The following ARHGEF1 variants were observed in gnomAD, a reference collection of about 807,000 sequenced individuals.
The protein encoded by ARHGEF1 is 115 kDa guanine nucleotide exchange factor.
ARHGEF1 carries 40 observed loss-of-function variants against 119.7 expected under a neutral mutation model. The observed-to-expected ratio is 0.33, with a 90% CI of 0.26 to 0.44. The LOEUF is 0.44. ARHGEF1 is among the 20% of genes least tolerant of loss of function. The probability of loss-of-function intolerance (pLI) is 1.00; values close to 1 mark genes in which losing one functional copy is unlikely to be tolerated. For synonymous variants in ARHGEF1, 494 were observed against 521.0 expected (o/e 0.95, Z 0.71); for missense variants, 976 against 1,268.3 (o/e 0.77, Z 3.50).
intron 1 of ARHGEF1, among the ~76,000 whole-genome samples, chr19:41,927,267 G>A (rs1216152683): frequency 6.6e-6 from 1 of 152,106 alleles, no homozygotes; most frequent in Non-Finnish European, 1.5e-5. Context: ...GTGTCCCAGA[G>A]GGCCCCGGCC....
chr19:41,922,909 G>A (rs1161558223), upstream of ARHGEF1, among the ~76,000 whole-genome samples: 1 of 152,210 alleles, frequency 6.6e-6, no homozygotes, highest in Non-Finnish European at 1.5e-5. Flanking sequence ...CCCAGGCCTG[G>A]GCTGGAGGGG....
chr19:41,911,011 A>G (rs975626062), downstream of ARHGEF1, among the ~76,000 whole-genome samples: 1 of 152,200 alleles, frequency 6.6e-6, no homozygotes, highest in Non-Finnish European at 1.5e-5. Flanking sequence ...CCAAATGCCC[A>G]AAGAACACAC....
At chr19:41,914,266 C>G (rs1053207008) in intron 18 of ARHGEF1, among the ~76,000 whole-genome samples, 3 of 151,186 alleles carry the variant, frequency 2.0e-5, no homozygotes, top group African/African-American at 7.3e-5. Flanking sequence ...GTCTCGGTAT[C>G]TCTCCCTCTC....
upstream of ARHGEF1, among the ~76,000 whole-genome samples, chr19:41,921,523 G>A (rs1599679557): frequency 6.6e-6 from 1 of 151,928 alleles, no homozygotes; most frequent in East Asian, 1.9e-4. This position sits in a 1 kb window ranked among gnomAD's most constrained non-coding sequence, Gnocchi z 4.4. Flanking sequence ...ACAGGCAGGG[G>A]GAGATCCGAG....
rs1250398305 is a variant in ARHGEF1, at chr19:41,914,832, TTCCACCGTCTCTGTCTCTCCCCCCC to T, written c.1865+8036_1865+8060del. Among the ~76,000 whole-genome samples the T allele has an allele frequency of 8.7e-4, 8 of 9,242 alleles. 2 individuals carry two copies. Among genetic ancestry groups the T allele is most frequent in the Non-Finnish European group, 8.2e-4 (4 of 4,906 alleles). The allele number at this position is 9,242 out of a possible 152,430, so 6.1% of individuals were successfully genotyped here. On this transcript the variant is annotated intron_variant, in intron 18 of 20. Transcript: ENST00000599589. ...CCCCCTCCACCGTGTCTCCCCCCCTTTCCACCGTCTCTGTCTCTCCCCCCCTCCACCATCTCTGTCTCTCCCTCCC... is the reference window on the plus strand; with the variant it reads ...CCCCCTCCACCGTGTCTCCCCCCCTTTCCACCATCTCTGTCTCTCCCTCCC...
downstream of ARHGEF1, among the ~76,000 whole-genome samples, chr19:41,911,520 T>G (rs1484608700): frequency 6.6e-6 from 1 of 152,110 alleles, no homozygotes; most frequent in African/African-American, 2.4e-5. Context: ...GGGCGCAGGG[T>G]CCCACCCAGG....
At chr19:41,893,186 C>G in intron 7 of ARHGEF1, 88 bp from the exon 8 acceptor site, 1 of 1,562,738 alleles carries the variant, frequency 6.4e-7, no homozygotes, top group Non-Finnish European at 8.8e-7. Context: ...CCTGCCTATC[C>G]CAGGACAGCA....
chr19:41,909,972 C>T, downstream of ARHGEF1: 2 of 1,613,912 alleles, frequency 1.2e-6, no homozygotes, highest in Non-Finnish European at 1.7e-6. This position sits in a 1 kb window ranked among gnomAD's most constrained non-coding sequence, Gnocchi z 5.2. Flanking sequence ...CCGTAGTCCC[C>T]CTGCCAGGCT....
At chr19:41,922,735 G>A (rs187817760), upstream of ARHGEF1, among the ~76,000 whole-genome samples, 6 of 152,282 alleles carry the variant, frequency 3.9e-5, no homozygotes, top group East Asian at 9.6e-4. Flanking sequence ...CAGCCGGGCT[G>A]GGGGGGACTC....
chr19:41,901,501 A>G (rs1237468650), intron 14 of ARHGEF1, among the ~76,000 whole-genome samples: 4 of 151,954 alleles, frequency 2.6e-5, no homozygotes, highest in Admixed American at 2.0e-4. Context: ...GGGTGCAGTA[A>G]TGCCATCATA....
At chr19:41,884,588 T>C in intron 1 of ARHGEF1, 1 of 1,503,396 alleles carries the variant, frequency 6.7e-7, no homozygotes, top group Non-Finnish European at 9.0e-7. Context: ...CCCCGTAGGA[T>C]TTAGGGCCCG....
chr19:41,893,379 TGAGG>T, intron 8 of ARHGEF1, 76 bp downstream of exon 8: 1 of 1,161,750 alleles, frequency 8.6e-7, no homozygotes, highest in Non-Finnish European at 1.1e-6. Flanking sequence ...CTCCTGGGTC[TGAGG>T]GAGGAGGAGG....
chr19:41,886,357 G>A (rs373540913), intron 1 of ARHGEF1, among the ~76,000 whole-genome samples: 2 of 152,190 alleles, frequency 1.3e-5, no homozygotes, highest in African/African-American at 2.4e-5. Flanking sequence ...CAAAGATAAT[G>A]AGTATCCCCT....
At position 41,913,741 on chromosome 19, in the gene ARHGEF1, C is replaced by G. The variant is rs546221008; in HGVS notation, c.1865+6938C>G. ...CTAGATATCTTACGCCCCTAAGATA[C>G]TCCATCCCCTCCTCACTCCAGTCTC... is the stretch of plus-strand genomic sequence containing the variant. On this transcript the variant is annotated intron_variant, in intron 18 of 20. Transcript: ENST00000599589. Among the ~76,000 whole-genome samples the G allele has an allele frequency of 8.0e-5, 12 of 150,118 alleles. No homozygotes were observed. In the East Asian group the frequency reaches 2.0e-3, roughly 25 times the overall value.
intron 11 of ARHGEF1, 68 bp from the exon 12 acceptor site, chr19:41,895,281 C>T (rs1031311871): frequency 2.6e-6 from 4 of 1,536,034 alleles, no homozygotes; most frequent in Non-Finnish European, 3.5e-6. Flanking sequence ...CCTCTTGCAT[C>T]CCCTGGCGGT....
In ARHGEF1 at chr19:41,888,449, G is replaced by A. The variant is rs879983933; in HGVS notation, c.111+171G>A. On this transcript the variant is annotated intron_variant, in intron 3 of 28. Transcript: ENST00000354532. The surrounding 1 kb of genome is among the most constrained non-coding windows in gnomAD (Gnocchi z 5.1). ...GCCGACCCCACACAGCAGCATAGACGCCCACCCTTCTTACTCTTAACCCCA... is the reference window on the plus strand; with the variant it reads ...GCCGACCCCACACAGCAGCATAGACACCCACCCTTCTTACTCTTAACCCCA... 6.6e-6 allele frequency among the ~76,000 whole-genome samples: 1 copy of A among 151,762 alleles called. No homozygotes were observed. The highest frequency in any genetic ancestry group is 2.4e-5 in the African/African-American group (1 of 41,274).
chr19:41,894,150 G>GTGTA, intron 8 of ARHGEF1, 57 bp from the exon 9 acceptor site: 2 of 992,146 alleles, frequency 2.0e-6, no homozygotes, highest in Non-Finnish European at 2.9e-6. Flanking sequence ...GTGTGTGTGT[G>GTGTA]TGTGTGTGTG....
At chr19:41,925,139 T>A (rs1284525633) in intron 1 of ARHGEF1, among the ~76,000 whole-genome samples, 2 of 151,616 alleles carry the variant, frequency 1.3e-5, no homozygotes, top group African/African-American at 4.9e-5. Context: ...CAAAGAGAGA[T>A]TAAGTGGGGG....
chr19:41,888,748 C>T lies in ARHGEF1; in HGVS notation c.112-4C>T, dbSNP rs41303849. 14 of 1,613,918 alleles carry T rather than the reference C, an allele frequency of 8.7e-6. No homozygotes were observed. The highest frequency in any genetic ancestry group is 1.7e-5 in the Admixed American group (1 of 60,008). The stretch of plus-strand genomic sequence containing the variant: ...ATTGTACTCACCCCTTCCTGCACCC[C>T]CAGAACTCAGAAGAGCAAAACAGCC... On this transcript the variant is annotated splice_polypyrimidine_tract_variant and splice_region_variant and intron_variant, in intron 3 of 28. Coordinates refer to ENST00000354532, the MANE Select transcript of ARHGEF1 (RefSeq NM_004706.4). The surrounding 1 kb of genome is among the most constrained non-coding windows in gnomAD (Gnocchi z 5.1).
Sources: gnomAD v4.1 joint callset for allele counts (sites outside exome capture counted in the v4.1 genomes callset) on GRCh38, gnomAD v4.1.1 for gene constraint, Gnocchi (gnomAD v3.1) non-coding constraint, MANE v1.5 for transcripts, NCBI Gene and HGNC (gene_info 2026-07-23, HGNC 2026-07-21) for gene names.